PLCE1: variants seen among roughly 807,000 people sequenced by gnomAD.
PLCE1 encodes 1-phosphatidylinositol 4,5-bisphosphate phosphodiesterase epsilon-1.
PLCE1 carries 119 observed loss-of-function variants against 242.8 expected under a neutral mutation model. The ratio of observed to expected loss-of-function variants is 0.49; its 90% CI spans 0.42 to 0.57. PLCE1 has a LOEUF of 0.57. PLCE1 is among the 20% of genes least tolerant of loss of function. The pLI is 0.00. For synonymous variants in PLCE1, 945 were observed against 1,017.4 expected, an observed-to-expected ratio of 0.93 and a Z score of 1.35; for missense variants, 2,441 against 2,788.8, an observed-to-expected ratio of 0.88 and a Z score of 2.81.
intron 2 of PLCE1, among the ~76,000 whole-genome samples, chr10:94,078,724 C>G (rs984853731): frequency 6.6e-5 from 10 of 152,142 alleles, no homozygotes; most frequent in Non-Finnish European, 1.2e-4. Context: ...ACCTCATGAA[C>G]CACCCACCTT....
chr10:94,198,744 A>G (rs2048902914), intron 4 of PLCE1, among the ~76,000 whole-genome samples: 1 of 152,218 alleles, frequency 6.6e-6, no homozygotes, highest in Non-Finnish European at 1.5e-5. Flanking sequence ...TTCATTTAGA[A>G]TGATGGATTA....
intron 7 of PLCE1, among the ~76,000 whole-genome samples, chr10:94,244,235 T>C (rs2050602014): frequency 6.6e-6 from 1 of 152,198 alleles, no homozygotes; most frequent in Non-Finnish European, 1.5e-5. Context: ...AGCCCCATGA[T>C]ACTGTCGTTG....
In PLCE1 at chr10:94,332,505, C is replaced by CTGTGTGTGTGTGTGTGTGTGTG. The variant is rs10537252; in HGVS notation, c.*4584_*4605dup. 1 of 145,694 alleles carries CTGTGTGTGTGTGTGTGTGTGTG rather than the reference C, an allele frequency of 6.9e-6. No homozygotes were observed. 9.0% of individuals were successfully genotyped at this position (145,694 alleles called of 1,614,324 possible). A position where few individuals can be genotyped will look rare whatever the true frequency, so the allele number is the denominator to read the frequency against. On this transcript the variant is annotated 3_prime_UTR_variant, in exon 33 of 33. Transcript: ENST00000371380. ...ATATAGCCTCAGGATATGTGTGTGCCTGTGTGTGTGTGTGTGTGTGTGTGT... is the reference window on the plus strand; with the variant it reads ...ATATAGCCTCAGGATATGTGTGTGCCTGTGTGTGTGTGTGTGTGTGTGTGTGTGTGTGTGTGTGTGTGTGTGT...
In PLCE1 at chr10:94,319,864, C is replaced by CTTTTTTT. The variant is rs58610099; in HGVS notation, c.6343-2020_6343-2014dup. On this transcript the variant is annotated intron_variant, in intron 29 of 32. Coordinates refer to ENST00000371380, the MANE Select transcript of PLCE1 (RefSeq NM_016341.4). ...GCTCTGAGGGAGGCTCAAAGGTGCT[C>CTTTTTTT]TTTTTTTTTTTTTTTTTTTTTTTGA... 1.1e-3 allele frequency among the ~76,000 whole-genome samples: 100 copies of CTTTTTTT among 92,920 alleles called. 5 individuals carry two copies. The highest frequency in any genetic ancestry group is 8.6e-4 in the African/African-American group (23 of 26,754). The allele number at this position is 92,920 out of a possible 152,430, so 61.0% of individuals were successfully genotyped here.
intron 20 of PLCE1, among the ~76,000 whole-genome samples, chr10:94,281,332 AG>A (rs1470224644): frequency 2.0e-5 from 3 of 152,238 alleles, no homozygotes; most frequent in East Asian, 3.8e-4. Context: ...TCTGAGAATA[AG>A]AAAGGAAAAG....
intron 2 of PLCE1, among the ~76,000 whole-genome samples, chr10:94,074,681 C>T (rs941029801): frequency 3.0e-4 from 46 of 152,162 alleles, no homozygotes; most frequent in African/African-American, 9.9e-4. Flanking sequence ...AAATGCTTTA[C>T]GATACTATCT....
intron 24 of PLCE1, among the ~76,000 whole-genome samples, chr10:94,300,917 T>G (rs930965767): frequency 6.6e-6 from 1 of 151,516 alleles, no homozygotes; most frequent in East Asian, 1.9e-4. Flanking sequence ...TAAAACAAAA[T>G]AGTGGGGCTT....
chr10:94,237,326 A>G (rs967091687), intron 7 of PLCE1, among the ~76,000 whole-genome samples: 1 of 152,172 alleles, frequency 6.6e-6, no homozygotes, highest in Admixed American at 6.5e-5. Context: ...TGACCTTTCT[A>G]AAACACCTTC....
At position 94,258,081 on chromosome 10, in the gene PLCE1, G is replaced by A. The variant is rs547610113; in HGVS notation, c.3555-719G>A. Among the ~76,000 whole-genome samples the A allele has an allele frequency of 6.6e-5, 10 of 152,190 alleles. No homozygotes were observed. In the South Asian group the frequency reaches 2.1e-3, roughly 32 times the overall value. On this transcript the variant is annotated intron_variant, in intron 11 of 32. Transcript: ENST00000371380. Reference sequence around the variant, plus strand: ...TTCTACATTGAATAGATGCAGCCTTGGAAGGTGCAAATATAATCCTAGTCA... The same window carrying A: ...TTCTACATTGAATAGATGCAGCCTTAGAAGGTGCAAATATAATCCTAGTCA...
intron 16 of PLCE1, among the ~76,000 whole-genome samples, chr10:94,268,073 T>C (rs1233897520): frequency 6.6e-6 from 1 of 152,206 alleles, no homozygotes; most frequent in Non-Finnish European, 1.5e-5. Context: ...TTTAAGATGA[T>C]GTACAGATCT....
intron 4 of PLCE1, among the ~76,000 whole-genome samples, chr10:94,179,965 G>A (rs541701306): frequency 5.3e-4 from 80 of 149,822 alleles, no homozygotes; most frequent in African/African-American, 1.9e-3. Context: ...TAACATAACA[G>A]CATTATTAGA....
intron 1 of PLCE1, among the ~76,000 whole-genome samples, chr10:94,029,580 C>T (rs918229709): frequency 3.3e-5 from 5 of 151,910 alleles, no homozygotes; most frequent in Admixed American, 2.0e-4. Context: ...TGGTTTATTC[C>T]CTGCAAAGAA....
At chr10:94,254,823 G>T in intron 10 of PLCE1, 70 bp from the exon 11 acceptor site, 2 of 1,550,230 alleles carry the variant, frequency 1.3e-6, no homozygotes, top group South Asian at 1.1e-5. Context: ...AAGCCTCTCT[G>T]GTTTGTATTT....
At chr10:94,244,998 GTT>G (rs1015166134) in intron 7 of PLCE1, among the ~76,000 whole-genome samples, 3 of 152,094 alleles carry the variant, frequency 2.0e-5, no homozygotes, top group African/African-American at 7.2e-5. Context: ...ATTTTTAACA[GTT>G]TAACAGAGGT....
chr10:94,009,541 C>G (rs1056901807), intron 1 of PLCE1, among the ~76,000 whole-genome samples: 9 of 152,194 alleles, frequency 5.9e-5, no homozygotes, highest in Admixed American at 1.3e-4. Context: ...TTAACTCATT[C>G]CACCATCAAG....
chr10:94,061,113 C>T (rs933450661), intron 2 of PLCE1, among the ~76,000 whole-genome samples: 1 of 152,146 alleles, frequency 6.6e-6, no homozygotes, highest in South Asian at 2.1e-4. Context: ...GGGGCAAGGG[C>T]ACTGGATGCT....
chr10:94,294,081 T>C (rs577289653), intron 23 of PLCE1, among the ~76,000 whole-genome samples: 3 of 152,252 alleles, frequency 2.0e-5, no homozygotes, highest in African/African-American at 7.2e-5. Flanking sequence ...TACCCCAGCC[T>C]GGGTGACAGA....
At chr10:93,995,444 C>G (rs2060802620) in intron 1 of PLCE1, among the ~76,000 whole-genome samples, 1 of 152,112 alleles carries the variant, frequency 6.6e-6, no homozygotes, top group Non-Finnish European at 1.5e-5. Context: ...TCTCCAGGGC[C>G]CTTTCTGCTC....
At chr10:94,072,284 T>C (rs1564663623) in intron 2 of PLCE1, among the ~76,000 whole-genome samples, 1 of 152,080 alleles carries the variant, frequency 6.6e-6, no homozygotes, top group Non-Finnish European at 1.5e-5. Flanking sequence ...TTTTTGTTTT[T>C]TTTGTTTTTT....
Sources: gnomAD v4.1 joint callset for allele counts (sites outside exome capture counted in the v4.1 genomes callset) on GRCh38, gnomAD v4.1.1 for gene constraint, MANE v1.5 for transcripts, NCBI Gene and HGNC (gene_info 2026-07-23, HGNC 2026-07-21) for gene names.